The following PTPRD variants were observed in gnomAD, a reference collection of about 807,000 sequenced individuals.
PTPRD encodes the protein protein tyrosine phosphatase receptor type D.
PTPRD carries 34 observed loss-of-function variants against 214.5 expected under a neutral mutation model. The ratio of observed to expected loss-of-function variants is 0.16; its 90% CI spans 0.12 to 0.21. The LOEUF (loss-of-function observed/expected upper bound fraction) is 0.21. Ranked by LOEUF, PTPRD falls within the 10% of genes least tolerant of loss-of-function variation. The pLI is 1.00. For missense variants in PTPRD, 2,545 were observed against 2,398.7 expected (o/e 1.06, Z -1.27); for synonymous variants, 1,128 against 845.7 (o/e 1.33, Z -5.79).
chr9:9,931,398 G>A (rs1023517311), intron 5 of PTPRD, among the ~76,000 whole-genome samples: 5 of 152,172 alleles, frequency 3.3e-5, no homozygotes, highest in East Asian at 1.9e-4. Context: ...GCAGGGCGAG[G>A]CATTGCCTCA....
intron 11 of PTPRD, among the ~76,000 whole-genome samples, chr9:8,809,544 A>G (rs1267812305): frequency 6.6e-6 from 1 of 152,164 alleles, no homozygotes; most frequent in Non-Finnish European, 1.5e-5. Flanking sequence ...TCAACCACTG[A>G]CTATTTTCCA....
At chr9:10,061,231 G>C (rs1189005559) in intron 3 of PTPRD, among the ~76,000 whole-genome samples, 3 of 151,760 alleles carry the variant, frequency 2.0e-5, no homozygotes, top group Non-Finnish European at 2.9e-5. Flanking sequence ...AGCCATAATA[G>C]GGAAAGACAA....
At chr9:9,611,244 T>C (rs908867889) in intron 7 of PTPRD, among the ~76,000 whole-genome samples, 1 of 152,190 alleles carries the variant, frequency 6.6e-6, no homozygotes, top group Admixed American at 6.5e-5. Flanking sequence ...TATTTAATGA[T>C]GACATATAAA....
At chr9:10,245,728 A>G (rs1459202575) in intron 3 of PTPRD, among the ~76,000 whole-genome samples, 1 of 152,032 alleles carries the variant, frequency 6.6e-6, no homozygotes. Flanking sequence ...ATCTATGTGT[A>G]TATGTGTGTG....
At chr9:9,047,352 C>A (rs557087086) in intron 10 of PTPRD, among the ~76,000 whole-genome samples, 2 of 152,002 alleles carry the variant, frequency 1.3e-5, no homozygotes, top group Non-Finnish European at 2.9e-5. Context: ...AGATTCAATG[C>A]AATCTCTATC....
At chr9:10,568,580 C>A (rs1401842111) in intron 2 of PTPRD, among the ~76,000 whole-genome samples, 1 of 152,026 alleles carries the variant, frequency 6.6e-6, no homozygotes, top group Non-Finnish European at 1.5e-5. Context: ...TACAGTCCCA[C>A]CAACAGTGTA....
At chr9:8,423,130 A>C (rs958344053) in intron 35 of PTPRD, among the ~76,000 whole-genome samples, 3 of 152,188 alleles carry the variant, frequency 2.0e-5, no homozygotes, top group Non-Finnish European at 2.9e-5. Flanking sequence ...ATCATGTTTC[A>C]TAATAACCAG....
At chr9:9,859,711 T>G (rs999294333) in intron 5 of PTPRD, among the ~76,000 whole-genome samples, 2 of 152,306 alleles carry the variant, frequency 1.3e-5, no homozygotes, top group African/African-American at 4.8e-5. Context: ...AGATCTAGTC[T>G]CATACTGCTG....
At chr9:8,644,863 G>A (rs1036948815) in intron 12 of PTPRD, among the ~76,000 whole-genome samples, 12 of 152,160 alleles carry the variant, frequency 7.9e-5, no homozygotes, top group Non-Finnish European at 1.2e-4. Flanking sequence ...GATCCAGGCC[G>A]GTAGTGTGAG....
intron 11 of PTPRD, among the ~76,000 whole-genome samples, chr9:8,952,758 T>C (rs547049683): frequency 1.3e-5 from 2 of 151,986 alleles, no homozygotes; most frequent in Admixed American, 1.3e-4. Flanking sequence ...GAATTCTAGG[T>C]AGAAGTGATC....
At chr9:8,337,183 G>A (rs890589890) in intron 43 of PTPRD, among the ~76,000 whole-genome samples, 1 of 152,128 alleles carries the variant, frequency 6.6e-6, no homozygotes, top group Admixed American at 6.5e-5. Flanking sequence ...CAATAGCAAA[G>A]ACTTGTAACC....
At chr9:10,543,473 T>TACACACACACACACACACAC (rs1462198412) in intron 2 of PTPRD, among the ~76,000 whole-genome samples, 2 of 54,342 alleles carry the variant, frequency 3.7e-5, no homozygotes, top group African/African-American at 1.0e-4. Flanking sequence ...GTTTAATATA[T>TACACACACACACACACACAC]ATATATACAC....
At chr9:9,799,001 C>T (rs2153501188) in intron 5 of PTPRD, among the ~76,000 whole-genome samples, 1 of 152,204 alleles carries the variant, frequency 6.6e-6, no homozygotes, top group Non-Finnish European at 1.5e-5. Flanking sequence ...ATTAGATCCC[C>T]ATCTTACTTA....
intron 3 of PTPRD, among the ~76,000 whole-genome samples, chr9:10,226,340 G>A (rs955660941): frequency 2.0e-5 from 3 of 152,038 alleles, no homozygotes; most frequent in African/African-American, 7.2e-5. Flanking sequence ...CTGTGACCAT[G>A]AGAGTGGAGA....
intron 10 of PTPRD, among the ~76,000 whole-genome samples, chr9:9,149,802 T>A (rs2099875027): frequency 6.6e-6 from 1 of 152,248 alleles, no homozygotes; most frequent in Admixed American, 6.5e-5. Context: ...ATTTGGATGC[T>A]GGCAGCTGCC....
At chr9:10,231,989 A>AGAGAGAGAGT (rs1245284728) in intron 3 of PTPRD, among the ~76,000 whole-genome samples, 9 of 92,498 alleles carry the variant, frequency 9.7e-5, no homozygotes, top group African/African-American at 3.7e-4. Flanking sequence ...AGAGAGAGAG[A>AGAGAGAGAGT]GTGTGTGTGT....
intron 7 of PTPRD, among the ~76,000 whole-genome samples, chr9:9,724,373 T>C (rs2098035672): frequency 1.3e-5 from 2 of 152,296 alleles, no homozygotes; most frequent in East Asian, 3.9e-4. Flanking sequence ...CTCAACTCAA[T>C]AAACATAGTG....
intron 11 of PTPRD, among the ~76,000 whole-genome samples, chr9:8,875,953 G>A (rs1053011424): frequency 1.3e-5 from 2 of 152,148 alleles, no homozygotes; most frequent in South Asian, 4.1e-4. Context: ...ATGATGCCGA[G>A]ACACTGAATT....
chr9:8,941,304 T>A (rs2099032505), intron 11 of PTPRD, among the ~76,000 whole-genome samples: 1 of 152,180 alleles, frequency 6.6e-6, no homozygotes, highest in Admixed American at 6.5e-5. Context: ...AGGAGTGTAT[T>A]TGCAACTAGT....
Sources: gnomAD v4.1 joint callset for allele counts (sites outside exome capture counted in the v4.1 genomes callset) on GRCh38, gnomAD v4.1.1 for gene constraint, MANE v1.5 for transcripts, NCBI Gene and HGNC (gene_info 2026-07-23, HGNC 2026-07-21) for gene names.